DOCK10: variants seen among roughly 807,000 people sequenced by gnomAD.
The protein encoded by DOCK10 is dedicator of cytokinesis 10, also known as dedicator of cytokinesis protein 10.
A neutral mutation model predicts 280.1 loss-of-function variants in DOCK10; 145 were observed. The ratio of observed to expected loss-of-function variants is 0.52; its 90% CI spans 0.45 to 0.59. The LOEUF is 0.59. Ranked by LOEUF, DOCK10 falls within the 20% of genes least tolerant of loss-of-function variation. The probability of loss-of-function intolerance (pLI) is 0.00; values close to 1 mark genes in which losing one functional copy is unlikely to be tolerated. For missense variants in DOCK10, 2,368 were observed against 2,651.7 expected, an observed-to-expected ratio of 0.89 and a Z score of 2.35; for synonymous variants, 915 against 942.2, an observed-to-expected ratio of 0.97 and a Z score of 0.53.
chr2:224,885,817 A>G lies in DOCK10; in HGVS notation c.613-12T>C. 6.2e-7 allele frequency: 1 copy of G among 1,610,486 alleles called. No homozygotes were observed. Among genetic ancestry groups the G allele is most frequent in the Non-Finnish European group, 8.5e-7 (1 of 1,179,026 alleles). On this transcript the variant is annotated splice_polypyrimidine_tract_variant and intron_variant, in intron 6 of 55. Transcript: ENST00000258390. ...CGCTTTTTGAATGACTAAATAAAGG[A>G]AAAGATATAAGGAGATATTCAAATT...
rs368520185 is a variant in DOCK10 at position 224,906,774 on chromosome 2, C to G, written c.333+9921G>C. Among the ~76,000 whole-genome samples, 34 of 152,244 alleles carry G rather than the reference C, an allele frequency of 2.2e-4. No homozygotes were observed. The East Asian group carries it at 5.0e-3, about 22-fold the overall frequency. ...GATTACAGGCGTCAGTCACCGCACC[C>G]GGCCTTGTTTATCTTAAAGTAGTAT... On this transcript the variant is annotated intron_variant, in intron 3 of 55. Coordinates refer to ENST00000258390, the MANE Select transcript of DOCK10 (RefSeq NM_014689.3).
At chr2:224,881,155 G>A (rs947679165) in intron 7 of DOCK10, among the ~76,000 whole-genome samples, 1 of 152,100 alleles carries the variant, frequency 6.6e-6, no homozygotes, top group Non-Finnish European at 1.5e-5. Context: ...AATATGATAT[G>A]GCATCATGCA....
rs1691752827 is a variant in DOCK10, at chr2:224,786,689, A to G, written c.5655+333T>C. ...TATTTCTTAAAACATATTCAATTTAATTTCACTTTAATATATGGCGTAAAC... is the reference window on the plus strand; with the variant it reads ...TATTTCTTAAAACATATTCAATTTAGTTTCACTTTAATATATGGCGTAAAC... On this transcript the variant is annotated intron_variant, in intron 50 of 55. Transcript: ENST00000258390. This position sits in a 1 kb window ranked among gnomAD's most constrained non-coding sequence, Gnocchi z 4.7. Among the ~76,000 whole-genome samples the G allele has an allele frequency of 1.3e-5, 2 of 152,206 alleles. 1 individual carries two copies. The highest frequency in any genetic ancestry group is 4.1e-4 in the South Asian group (2 of 4,832).
rs1319555810 is a variant in DOCK10 at position 224,830,583 on chromosome 2, T to C, written c.2994A>G (p.Leu998=). Residue 998 remains leucine, a synonymous_variant, in exon 27 of 56, where the codon CTA becomes CTG. Coordinates refer to ENST00000258390, the MANE Select transcript of DOCK10 (RefSeq NM_014689.3). ...KHSWFFFAII[L]KSMAQHLIDT... ...CAATCAAGTGCTGTGCCATCGATTT[T>C]AGGATAATTGCAAAGAAGAACCAGG... The C allele has an allele frequency of 1.9e-6, 3 of 1,538,702 alleles. No homozygotes were observed. The highest frequency in any genetic ancestry group is 2.3e-5 in the East Asian group (1 of 43,898).
intron 1 of DOCK10, among the ~76,000 whole-genome samples, chr2:224,952,830 G>C (rs551644003): frequency 6.6e-4 from 100 of 152,164 alleles, no homozygotes; most frequent in Middle Eastern, 6.8e-3. Flanking sequence ...CTGACCTCGT[G>C]ATCTGCCCGC....
intron 15 of DOCK10, 63 bp from the exon 16 acceptor site, chr2:224,855,105 T>C (rs943278102): frequency 1.3e-4 from 60 of 469,362 alleles, no homozygotes; most frequent in Non-Finnish European, 1.5e-4. Context: ...ACACACAGAG[T>C]ATTATTCCAA....
intron 1 of DOCK10, among the ~76,000 whole-genome samples, chr2:225,014,986 T>C (rs1168172188): frequency 6.6e-6 from 1 of 152,198 alleles, no homozygotes; most frequent in African/African-American, 2.4e-5. Flanking sequence ...AATATTTGAA[T>C]GTGGTTATAA....
At chr2:224,987,919 G>A (rs903648226) in intron 1 of DOCK10, among the ~76,000 whole-genome samples, 1 of 152,178 alleles carries the variant, frequency 6.6e-6, no homozygotes, top group Non-Finnish European at 1.5e-5. Context: ...GAGCTTCAGA[G>A]TCAGCCTGAC....
chr2:224,994,903 G>A (rs73083755), intron 1 of DOCK10, among the ~76,000 whole-genome samples: 4,856 of 152,246 alleles, frequency 0.032, 197 homozygotes, highest in East Asian at 0.089. Context: ...GTTTCTGTGC[G>A]TCAGGAATTC....
chr2:224,890,850 C>T (rs918683879), intron 4 of DOCK10, among the ~76,000 whole-genome samples: 3 of 152,178 alleles, frequency 2.0e-5, no homozygotes, highest in African/African-American at 4.8e-5. Context: ...GAGTTGCACA[C>T]GTGTACTGTG....
At chr2:225,032,421 T>C (rs1279374249) in intron 1 of DOCK10, among the ~76,000 whole-genome samples, 1 of 152,232 alleles carries the variant, frequency 6.6e-6, no homozygotes, top group Non-Finnish European at 1.5e-5. Context: ...TATCTCTGCA[T>C]GTTGGTATGC....
At position 224,797,062 on chromosome 2, in the gene DOCK10, G is replaced by T; in HGVS notation, c.4729C>A (p.Arg1577=). The T allele has an allele frequency of 6.2e-7, 1 of 1,613,590 alleles. No individual in the cohort carries two copies. Among genetic ancestry groups the T allele is most frequent in the Non-Finnish European group, 8.5e-7 (1 of 1,179,680 alleles). Reference sequence around the variant, plus strand: ...GCTGAGGCTTCTGTCTGAGTTGACCGTGACCTGTGGTTACAGCATTTTAGG... The same window carrying T: ...GCTGAGGCTTCTGTCTGAGTTGACCTTGACCTGTGGTTACAGCATTTTAGG... The part of the protein sequence containing the change: ...EVLKCCNHRS[R]STQTEASALL... The change falls in exon 43 of 56, where the codon CGG becomes AGG. Residue 1577 remains arginine, a synonymous_variant. Transcript: ENST00000258390.
chr2:224,972,095 C>CA (rs1355222590), intron 1 of DOCK10, among the ~76,000 whole-genome samples: 1 of 152,016 alleles, frequency 6.6e-6, no homozygotes, highest in East Asian at 1.9e-4. Flanking sequence ...TATATTGGAA[C>CA]AAAAATCACA....
At chr2:224,854,282 A>C (rs1696955635) in intron 16 of DOCK10, among the ~76,000 whole-genome samples, 1 of 152,176 alleles carries the variant, frequency 6.6e-6, no homozygotes, top group African/African-American at 2.4e-5. Flanking sequence ...ATAACCAAAC[A>C]AACCAATTTT....
At chr2:224,952,802 C>T (rs573930844) in intron 1 of DOCK10, among the ~76,000 whole-genome samples, 5 of 152,022 alleles carry the variant, frequency 3.3e-5, no homozygotes, top group African/African-American at 1.2e-4. Context: ...CCGTTTTAGC[C>T]GGGATGGTCT....
At chr2:224,863,594 A>G (rs1697674413) in intron 13 of DOCK10, among the ~76,000 whole-genome samples, 1 of 152,010 alleles carries the variant, frequency 6.6e-6, no homozygotes, top group Non-Finnish European at 1.5e-5. Flanking sequence ...CTGGGACTAC[A>G]GGCGCCCGCC....
At chr2:224,992,661 C>G (rs150142567) in intron 1 of DOCK10, among the ~76,000 whole-genome samples, 1 of 152,372 alleles carries the variant, frequency 6.6e-6, no homozygotes, top group Admixed American at 6.5e-5. Flanking sequence ...GTGCTACTGA[C>G]AACTGCAGTT....
chr2:224,811,978 T>G (rs1007555369), intron 31 of DOCK10, among the ~76,000 whole-genome samples: 2 of 152,220 alleles, frequency 1.3e-5, no homozygotes, highest in Admixed American at 6.5e-5. Context: ...GGCTCTTTTT[T>G]GGTTGCATAT....
intron 29 of DOCK10, among the ~76,000 whole-genome samples, chr2:224,817,727 A>C (rs1170627927): frequency 2.0e-5 from 3 of 152,236 alleles, no homozygotes; most frequent in Non-Finnish European, 2.9e-5. Context: ...ACTTTCAAAA[A>C]AAATTGAGAG....
Sources: gnomAD v4.1 joint callset for allele counts (sites outside exome capture counted in the v4.1 genomes callset) on GRCh38, gnomAD v4.1.1 for gene constraint, Gnocchi (gnomAD v3.1) non-coding constraint, MANE v1.5 for transcripts, NCBI Gene and HGNC (gene_info 2026-07-23, HGNC 2026-07-21) for gene names.